ZNF26: variants seen among roughly 807,000 people sequenced by gnomAD.
ZNF26 encodes epididymis luminal protein 179.
In ZNF26, 32 loss-of-function variants were observed where a neutral mutation model predicts 54.9. The observed-to-expected ratio is 0.58, with a 90% confidence interval of 0.44 to 0.78. The LOEUF (loss-of-function observed/expected upper bound fraction) is 0.78, where lower values mean the gene tolerates loss of function less well. ZNF26 is among the 30% of genes least tolerant of loss of function. The pLI, the probability that ZNF26 is intolerant of heterozygous loss-of-function variation, is 0.00. For missense variants in ZNF26, 524 were observed against 634.0 expected (o/e 0.83, Z 1.86); for synonymous variants, 221 against 209.2 (o/e 1.06, Z -0.49).
intron 1 of ZNF26, among the ~76,000 whole-genome samples, chr12:132,989,577 G>A (rs1052532544): frequency 2.0e-5 from 3 of 152,124 alleles, no homozygotes; most frequent in Admixed American, 1.3e-4. Context: ...TACTTTATAC[G>A]TACAGCCTGA....
intron 1 of ZNF26, among the ~76,000 whole-genome samples, chr12:133,000,418 A>ATT (rs139011460): frequency 1.1e-3 from 69 of 60,988 alleles, no homozygotes; most frequent in Non-Finnish European, 1.9e-3. Flanking sequence ...TACCTGGCTA[A>ATT]TTTTTTTTTT....
At chr12:133,000,717 C>T (rs1278128051) in intron 1 of ZNF26, among the ~76,000 whole-genome samples, 1 of 151,984 alleles carries the variant, frequency 6.6e-6, no homozygotes, top group East Asian at 1.9e-4. Context: ...AGCCACTGTG[C>T]CCGGCCTAAT....
chr12:132,993,134 T>C (rs1196152418), intron 1 of ZNF26, among the ~76,000 whole-genome samples: 1 of 150,858 alleles, frequency 6.6e-6, no homozygotes, highest in Non-Finnish European at 1.5e-5. Flanking sequence ...AAGCCATTCT[T>C]GTGCCTCAGC....
At chr12:133,008,927 A>AGGGG (rs1953404564) in intron 3 of ZNF26, among the ~76,000 whole-genome samples, 2 of 152,168 alleles carry the variant, frequency 1.3e-5, no homozygotes, top group South Asian at 4.2e-4. Flanking sequence ...TGGAAGGCAA[A>AGGGG]GGGGGAGCAA....
At position 132,986,844 on chromosome 12, in the gene ZNF26, G is replaced by C; in HGVS notation, c.4G>C (p.Ala2Pro). The C allele has an allele frequency of 6.2e-7, 1 of 1,606,488 alleles. No individual in the cohort carries two copies. The highest frequency in any genetic ancestry group is 8.5e-7 in the Non-Finnish European group (1 of 1,176,642). MATSFRTASCWG... is the reference protein window; with the variant it reads MPTSFRTASCWG... ...GCGCGCGAACGTGGGCGTGGGGATGGCCACCAGTTTCCGGACAGCTTCGTG... is the reference window on the plus strand; with the variant it reads ...GCGCGCGAACGTGGGCGTGGGGATGCCCACCAGTTTCCGGACAGCTTCGTG... Residue 2 changes from alanine (A) to proline (P), a missense_variant, in exon 1 of 4, where the codon GCC becomes CCC. Physicochemically the swap from Ala to Pro is conservative, Grantham distance 27. Coordinates refer to ENST00000328654, the MANE Select transcript of ZNF26 (RefSeq NM_019591.4).
At chr12:133,007,568 G>A in intron 3 of ZNF26, 36 bp downstream of exon 3, 1 of 1,502,982 alleles carries the variant, frequency 6.7e-7, no homozygotes, top group Non-Finnish European at 9.2e-7. Flanking sequence ...GGGAGGCATG[G>A]GAGTGAGCTG....
Position 133,026,291 on chromosome 12 carries a change from G to A in ZNF26, c.*14810G>A, listed in dbSNP as rs1953704557. The A allele has an allele frequency of 6.6e-6, 1 of 151,948 alleles. No individual in the cohort carries two copies. The allele number at this position is 151,948 out of a possible 1,614,324, so 9.4% of individuals were successfully genotyped here. A position where few individuals can be genotyped will look rare whatever the true frequency, so the allele number is the denominator to read the frequency against. On this transcript the variant is annotated 3_prime_UTR_variant, in exon 4 of 4. Coordinates refer to ENST00000328654, the MANE Select transcript of ZNF26 (RefSeq NM_019591.4). ...AATTTTTGTATTTTTAGTAGAGATG[G>A]GGTTTCACCATCTTGGGCAGGCTGG...
chr12:133,010,695 GCTT>G lies in ZNF26; in HGVS notation c.820_822del (p.Leu275del). 6.2e-7 allele frequency: 1 copy of G among 1,613,822 alleles called. No homozygotes were observed. Among genetic ancestry groups the G allele is most frequent in the East Asian group, 2.2e-5 (1 of 44,838 alleles). Reference sequence around the variant, plus strand: ...GGAAAGCCTACAGTTGGAAATCACAGCTTCTTTTACACCAGAGAAGTCACACAG... The same window carrying G: ...GGAAAGCCTACAGTTGGAAATCACAGCTTTTACACCAGAGAAGTCACACAG... On this transcript the variant is annotated inframe_deletion, in exon 4 of 4. Coordinates refer to ENST00000328654, the MANE Select transcript of ZNF26 (RefSeq NM_019591.4).
In ZNF26 at chr12:133,011,470, A is replaced by G; in HGVS notation, c.1591A>G (p.Thr531Ala). Residue 531 changes from threonine to alanine, a missense_variant, in exon 4 of 4, where the codon ACT becomes GCT. Transcript: ENST00000328654. ...TTCAGGGCTTCGTATACATCGGAAG[A>G]CTCATAAATGAGAAATCAGAATGAT... ...WNSGLRIHRK[T>A]HK The G allele has an allele frequency of 1.3e-6, 2 of 1,545,042 alleles. No individual in the cohort carries two copies. The highest frequency in any genetic ancestry group is 1.7e-6 in the Non-Finnish European group (2 of 1,149,748).
At chr12:132,999,061 C>T (rs1953152895) in intron 1 of ZNF26, among the ~76,000 whole-genome samples, 1 of 152,296 alleles carries the variant, frequency 6.6e-6, no homozygotes, top group Non-Finnish European at 1.5e-5. Context: ...CTTGGAACTG[C>T]CATCCACAAA....
chr12:133,026,361 AGTGCTGG>A lies in ZNF26; in HGVS notation c.*14882_*14888del, dbSNP rs1339896858. The A allele has an allele frequency of 2.6e-4, 40 of 152,018 alleles. No homozygotes were observed. Among genetic ancestry groups the A allele is most frequent in the African/African-American group, 8.9e-4 (37 of 41,456 alleles). 9.4% of individuals were successfully genotyped at this position (152,018 alleles called of 1,614,324 possible). The stretch of plus-strand genomic sequence containing the variant: ...TGATCCACCTGCCTCGGCCTCCCAA[AGTGCTGG>A]GATTACAGGCGTAAGCCACTGCGCC... On this transcript the variant is annotated 3_prime_UTR_variant, in exon 4 of 4. Transcript: ENST00000328654.
rs1953646756 is a variant in ZNF26 at position 133,021,813 on chromosome 12, G to A, written c.*10332G>A. ...GTTTATTTGTAGAGAAAGCTAACAT[G>A]GTAAAAATTTGAGGAATATTGGTAA... On this transcript the variant is annotated 3_prime_UTR_variant, in exon 4 of 4. Coordinates refer to ENST00000328654, the MANE Select transcript of ZNF26 (RefSeq NM_019591.4). The A allele has an allele frequency of 6.6e-6, 1 of 151,714 alleles. No homozygotes were observed. Among genetic ancestry groups the A allele is most frequent in the African/African-American group, 2.4e-5 (1 of 41,318 alleles). The allele number at this position is 151,714 out of a possible 1,614,324, so 9.4% of individuals were successfully genotyped here.
intron 1 of ZNF26, among the ~76,000 whole-genome samples, chr12:132,994,163 T>A (rs1038706765): frequency 3.3e-5 from 5 of 152,220 alleles, no homozygotes; most frequent in Non-Finnish European, 7.3e-5. Flanking sequence ...CCCTGGACTT[T>A]TTAACTTCAA....
rs1953582122 is a variant in ZNF26 at position 133,017,607 on chromosome 12, C to T, written c.*6126C>T. 1 of 152,078 alleles carries T rather than the reference C, an allele frequency of 6.6e-6. No individual in the cohort carries two copies. Among genetic ancestry groups the T allele is most frequent in the Non-Finnish European group, 1.5e-5 (1 of 68,030 alleles). The allele number at this position is 152,078 out of a possible 1,614,324, so 9.4% of individuals were successfully genotyped here. A position where few individuals can be genotyped will look rare whatever the true frequency, so the allele number is the denominator to read the frequency against. On this transcript the variant is annotated 3_prime_UTR_variant, in exon 4 of 4. Transcript: ENST00000328654. ...AAGAGCAACAGTCTGAGGAATGACC[C>T]CAGGCAGTAATTTGTTTCCACAGAA...
intron 1 of ZNF26, 99 bp downstream of exon 1, chr12:132,986,972 T>A: frequency 6.7e-6 from 9 of 1,339,706 alleles, no homozygotes; most frequent in Non-Finnish European, 9.4e-6. Context: ...CACATTCAGC[T>A]GTAATTGTGT....
intron 1 of ZNF26, among the ~76,000 whole-genome samples, chr12:132,988,102 G>A (rs1452841498): frequency 1.3e-5 from 2 of 152,152 alleles, no homozygotes; most frequent in Admixed American, 6.5e-5. Flanking sequence ...TCTGCCTCCC[G>A]GGTTCGAGCG....
intron 3 of ZNF26, among the ~76,000 whole-genome samples, chr12:133,008,579 A>G (rs1953387930): frequency 6.6e-6 from 1 of 151,846 alleles, no homozygotes; most frequent in East Asian, 1.9e-4. Flanking sequence ...GATGGAGACC[A>G]TCCTGACTAA....
chr12:132,993,006 T>C (rs1397495357), intron 1 of ZNF26, among the ~76,000 whole-genome samples: 1 of 151,486 alleles, frequency 6.6e-6, no homozygotes, highest in Non-Finnish European at 1.5e-5. Context: ...TTCTGTACAG[T>C]GTTTTTGATC....
chr12:132,996,664 C>T (rs1953091320), intron 1 of ZNF26, among the ~76,000 whole-genome samples: 1 of 152,138 alleles, frequency 6.6e-6, no homozygotes, highest in Non-Finnish European at 1.5e-5. Context: ...TGGCATGTTG[C>T]TTCAATCTCT....
Sources: allele counts gnomAD v4.1 joint callset (sites outside exome capture counted in the v4.1 genomes callset), GRCh38; gene constraint gnomAD v4.1.1; transcripts MANE v1.5; gene names NCBI Gene and HGNC (gene_info 2026-07-23, HGNC 2026-07-21).